Variants in LYPD6B observed in about 807,000 individuals in gnomAD.
LYPD6B encodes LY6/PLAUR domain containing 6B.
LYPD6B carries 17 observed loss-of-function variants against 22.8 expected under a neutral mutation model. The observed-to-expected ratio is 0.75, with a 90% CI of 0.51 to 1.12. The LOEUF is 1.12. LYPD6B is among the 50% of genes most tolerant of loss of function. The pLI, the probability that LYPD6B is intolerant of heterozygous loss-of-function variation, is 0.00. For synonymous variants in LYPD6B, 106 were observed against 91.6 expected, an observed-to-expected ratio of 1.16 and a Z score of -0.90; for missense variants, 221 against 258.3, an observed-to-expected ratio of 0.86 and a Z score of 0.99.
At chr2:149,045,257 G>A (rs1683258261) in intron 1 of LYPD6B, among the ~76,000 whole-genome samples, 1 of 151,986 alleles carries the variant, frequency 6.6e-6, no homozygotes, top group African/African-American at 2.4e-5. Context: ...TGAATGGTCA[G>A]TAATAATACT....
At chr2:149,083,691 T>C (rs1685243422) in intron 1 of LYPD6B, among the ~76,000 whole-genome samples, 1 of 152,178 alleles carries the variant, frequency 6.6e-6, no homozygotes, top group Non-Finnish European at 1.5e-5. Flanking sequence ...AGCTACTTCA[T>C]AGGTGATGCT....
At position 149,117,766 on chromosome 2, in the gene LYPD6B, A is replaced by G. The variant is rs115925163; in HGVS notation, c.-66-13117A>G. On this transcript the variant is annotated intron_variant, in intron 1 of 6. Transcript: ENST00000409642. ...TTGCCAAATTATCCTTGTTATTATA[A>G]TAATCATCTATTGCTATGTAACAAA... Among the ~76,000 whole-genome samples the G allele has an allele frequency of 3.2e-3, 483 of 152,288 alleles. 3 individuals carry two copies. The highest frequency in any genetic ancestry group is 0.011 in the African/African-American group (475 of 41,558).
intron 6 of LYPD6B, among the ~76,000 whole-genome samples, chr2:149,213,393 C>T (rs1014830295): frequency 6.6e-5 from 10 of 151,774 alleles, no homozygotes; most frequent in Non-Finnish European, 1.0e-4. Flanking sequence ...ACAGAGACTC[C>T]GTACAAACAT....
chr2:149,187,569 C>T, intron 3 of LYPD6B: 1 of 1,417,858 alleles, frequency 7.1e-7, no homozygotes, highest in Non-Finnish European at 9.2e-7. Context: ...CAACATGAAG[C>T]CTGACACATT....
chr2:149,135,170 G>A (rs777159802), intron 2 of LYPD6B, among the ~76,000 whole-genome samples: 14 of 151,236 alleles, frequency 9.3e-5, no homozygotes, highest in Non-Finnish European at 1.8e-4. Context: ...GCTTGAACCC[G>A]GGAGACGGAG....
intron 4 of LYPD6B, among the ~76,000 whole-genome samples, chr2:149,206,494 T>C (rs1011167639): frequency 1.3e-5 from 2 of 152,152 alleles, no homozygotes; most frequent in African/African-American, 4.8e-5. Flanking sequence ...TGTATACTGA[T>C]AGCTGAAAGA....
At chr2:149,131,033 C>A in intron 2 of LYPD6B, 80 bp downstream of exon 2, 1 of 945,548 alleles carries the variant, frequency 1.1e-6, no homozygotes, top group Non-Finnish European at 1.7e-6. Context: ...GCTACTCATG[C>A]TTCGCAAAAA....
intron 1 of LYPD6B, among the ~76,000 whole-genome samples, chr2:149,091,384 TA>T (rs1264890471): frequency 6.6e-6 from 1 of 150,448 alleles, no homozygotes; most frequent in Non-Finnish European, 1.5e-5. Flanking sequence ...AATACATATA[TA>T]TTTATATATA....
chr2:149,062,031 C>T (rs921915233), intron 1 of LYPD6B, among the ~76,000 whole-genome samples: 4 of 150,422 alleles, frequency 2.7e-5, no homozygotes, highest in Non-Finnish European at 4.4e-5. Flanking sequence ...GTAAAAATGG[C>T]GCAATCCCAG....
At chr2:149,129,197 CAT>C (rs1687878032) in intron 1 of LYPD6B, among the ~76,000 whole-genome samples, 1 of 152,282 alleles carries the variant, frequency 6.6e-6, no homozygotes, top group Non-Finnish European at 1.5e-5. Flanking sequence ...GACCAAAATC[CAT>C]ATGTTTAGGA....
At chr2:149,204,001 C>T (rs1405029276) in intron 3 of LYPD6B, among the ~76,000 whole-genome samples, 1 of 152,190 alleles carries the variant, frequency 6.6e-6, no homozygotes, top group Admixed American at 6.5e-5. Flanking sequence ...AGAGATCAAA[C>T]CTTTTTCCTT....
chr2:149,102,749 C>T (rs1686274471), intron 1 of LYPD6B, among the ~76,000 whole-genome samples: 2 of 152,130 alleles, frequency 1.3e-5, no homozygotes, highest in African/African-American at 4.8e-5. Flanking sequence ...CCTGTCTCAG[C>T]CTCCCAAGTC....
chr2:149,109,931 G>A (rs898306995), intron 1 of LYPD6B, among the ~76,000 whole-genome samples: 1 of 151,948 alleles, frequency 6.6e-6, no homozygotes, highest in African/African-American at 2.4e-5. Context: ...GGCTGGTCTC[G>A]AACTCCTGAC....
chr2:149,076,345 C>G (rs1382332988), intron 1 of LYPD6B, among the ~76,000 whole-genome samples: 1 of 152,088 alleles, frequency 6.6e-6, no homozygotes, highest in Non-Finnish European at 1.5e-5. Context: ...AAAGAGAATG[C>G]AGCATATAAT....
chr2:149,107,234 G>C (rs1686523590), intron 1 of LYPD6B, among the ~76,000 whole-genome samples: 1 of 152,154 alleles, frequency 6.6e-6, no homozygotes, highest in African/African-American at 2.4e-5. Context: ...TAATCAATCA[G>C]ATAACTGAGA....
intron 1 of LYPD6B, among the ~76,000 whole-genome samples, chr2:149,090,872 A>G (rs920052027): frequency 6.6e-6 from 1 of 152,200 alleles, no homozygotes; most frequent in Non-Finnish European, 1.5e-5. Flanking sequence ...GCATTTGGCA[A>G]TGTTGTTCGT....
At chr2:149,121,435 G>T (rs1687348480) in intron 1 of LYPD6B, among the ~76,000 whole-genome samples, 1 of 152,176 alleles carries the variant, frequency 6.6e-6, no homozygotes, top group Non-Finnish European at 1.5e-5. Context: ...TTCACATAGA[G>T]CTGATTTGAC....
At chr2:149,092,378 C>T (rs141577166) in intron 1 of LYPD6B, among the ~76,000 whole-genome samples, 1 of 152,160 alleles carries the variant, frequency 6.6e-6, no homozygotes, top group East Asian at 1.9e-4. Context: ...TCATGAAGAC[C>T]ACAGGCCAGG....
chr2:149,118,701 T>C (rs1687130296), intron 1 of LYPD6B, among the ~76,000 whole-genome samples: 2 of 152,224 alleles, frequency 1.3e-5, no homozygotes, highest in Admixed American at 1.3e-4. Context: ...ATAAGTGATA[T>C]GTTACTTAGC....
Sources: gnomAD v4.1 joint callset for allele counts (sites outside exome capture counted in the v4.1 genomes callset) on GRCh38, gnomAD v4.1.1 for gene constraint, MANE v1.5 for transcripts, NCBI Gene and HGNC (gene_info 2026-07-23, HGNC 2026-07-21) for gene names.